VCAN: variants seen among roughly 807,000 people sequenced by gnomAD.
VCAN encodes versican.
VCAN carries 44 observed loss-of-function variants against 245.5 expected under a neutral mutation model. The ratio of observed to expected loss-of-function variants is 0.18; its 90% CI spans 0.14 to 0.23. The LOEUF (loss-of-function observed/expected upper bound fraction) is 0.23. VCAN is among the 10% of genes least tolerant of loss of function. VCAN has a pLI of 1.00. For missense variants in VCAN, 3,793 were observed against 4,057.9 expected (o/e 0.93, Z 1.77); for synonymous variants, 1,413 against 1,437.0 (o/e 0.98, Z 0.38).
chr5:83,499,877 A>G (rs1745277705), intron 5 of VCAN, among the ~76,000 whole-genome samples: 1 of 152,236 alleles, frequency 6.6e-6, no homozygotes, highest in African/African-American at 2.4e-5. Flanking sequence ...AACCAAAAAC[A>G]ACTTTTCCAT....
chr5:83,482,338 G>T (rs1025785728), intron 1 of VCAN, among the ~76,000 whole-genome samples: 1 of 152,192 alleles, frequency 6.6e-6, no homozygotes, highest in African/African-American at 2.4e-5. Flanking sequence ...TGGAGGAAGA[G>T]ATCCCCTCAC....
At position 83,537,847 on chromosome 5, in the gene VCAN, C is replaced by T. The variant is rs1278108656; in HGVS notation, c.4844C>T (p.Thr1615Ile). 1 of 1,613,812 alleles carries T rather than the reference C, an allele frequency of 6.2e-7. No individual in the cohort carries two copies. Among genetic ancestry groups the T allele is most frequent in the Admixed American group, 1.7e-5 (1 of 59,928 alleles). The part of the protein sequence containing the change: ...GNPWPDDLLS[T>I]KESWVEATPR... ...CCTTGGCCAGATGACCTGTTGTCTA[C>T]CAAAGAAAGCTGGGTAGAAGCAACT... Residue 1615 changes from threonine (T) to isoleucine (I), a missense_variant, in exon 8 of 15, where the codon ACC becomes ATC. Around this residue, in one of 5 missense-constraint regions of VCAN, gnomAD observed 3,182 missense variants for 3,250.3 expected, o/e 0.98. Transcript: ENST00000265077.
chr5:83,509,940 G>T (rs1271511792), intron 5 of VCAN, among the ~76,000 whole-genome samples: 2 of 152,036 alleles, frequency 1.3e-5, no homozygotes, highest in Non-Finnish European at 2.9e-5. Flanking sequence ...AGGATAGGGG[G>T]AAAAAAGAGA....
chr5:83,503,240 G>A (rs1346467526), intron 5 of VCAN, among the ~76,000 whole-genome samples: 5 of 151,938 alleles, frequency 3.3e-5, no homozygotes, highest in East Asian at 3.9e-4. Flanking sequence ...GAGAGAGAGA[G>A]AAAAGAAAAA....
chr5:83,508,712 A>G (rs1745555440), intron 5 of VCAN, among the ~76,000 whole-genome samples: 1 of 152,240 alleles, frequency 6.6e-6, no homozygotes, highest in Non-Finnish European at 1.5e-5. Flanking sequence ...AATTCTTTTA[A>G]TCCTCACCTT....
intron 2 of VCAN, among the ~76,000 whole-genome samples, chr5:83,486,708 TA>T (rs1223273484): frequency 6.6e-6 from 1 of 152,234 alleles, no homozygotes; most frequent in Non-Finnish European, 1.5e-5. Flanking sequence ...TTTACAACAA[TA>T]ATTTTGATAG....
At position 83,580,517 on chromosome 5, in the gene VCAN, A is replaced by G; in HGVS notation, c.*83A>G. ...GCCTTTCCTATCACCTCGAGAAGTA[A>G]TTATCAGTTGGTTTGGATTTTTGGA... is the stretch of plus-strand genomic sequence containing the variant. On this transcript the variant is annotated 3_prime_UTR_variant, in exon 15 of 15. Transcript: ENST00000265077. 3 of 1,583,262 alleles carry G rather than the reference A, an allele frequency of 1.9e-6. No individual in the cohort carries two copies. The highest frequency in any genetic ancestry group is 1.3e-5 in the African/African-American group (1 of 74,348).
intron 1 of VCAN, among the ~76,000 whole-genome samples, chr5:83,477,011 A>C (rs1744415749): frequency 6.6e-6 from 1 of 152,166 alleles, no homozygotes; most frequent in Admixed American, 6.5e-5. Context: ...TATTGATTTG[A>C]TATTACTTGA....
At chr5:83,482,142 G>A (rs947488290) in intron 1 of VCAN, among the ~76,000 whole-genome samples, 1 of 152,188 alleles carries the variant, frequency 6.6e-6, no homozygotes, top group South Asian at 2.1e-4. Flanking sequence ...AAGGACTTAC[G>A]CCTTGCCTTT....
chr5:83,538,473 C>T lies in VCAN; in HGVS notation c.5470C>T (p.Leu1824Phe). ...QPGVQEGLTT[L>F]PRSPASVFME... ...TGGGGTTCAGGAAGGGCTGACCACTCTCCCACGTAGTCCTGCCTCTGTCTT... is the reference window on the plus strand; with the variant it reads ...TGGGGTTCAGGAAGGGCTGACCACTTTCCCACGTAGTCCTGCCTCTGTCTT... Residue 1824 changes from leucine (L) to phenylalanine (F), a missense_variant, in exon 8 of 15, where the codon CTC becomes TTC. Transcript: ENST00000265077. The T allele has an allele frequency of 6.2e-7, 1 of 1,613,990 alleles. No individual in the cohort carries two copies. The highest frequency in any genetic ancestry group is 8.5e-7 in the Non-Finnish European group (1 of 1,179,950).
intron 6 of VCAN, among the ~76,000 whole-genome samples, chr5:83,518,585 G>C (rs1338667105): frequency 1.3e-5 from 2 of 152,130 alleles, no homozygotes; most frequent in Non-Finnish European, 2.9e-5. Context: ...AGAGTGTGTA[G>C]AACATAGAAC....
intron 13 of VCAN, among the ~76,000 whole-genome samples, chr5:83,573,646 T>C (rs982636605): frequency 1.3e-5 from 2 of 152,048 alleles, no homozygotes; most frequent in African/African-American, 4.8e-5. Flanking sequence ...CTTTAGACAA[T>C]AAAATAAATA....
intron 13 of VCAN, among the ~76,000 whole-genome samples, chr5:83,576,669 C>T (rs981772365): frequency 1.3e-5 from 2 of 151,982 alleles, no homozygotes; most frequent in Non-Finnish European, 2.9e-5. Context: ...GTGGTGGTAC[C>T]AATTTTCACT....
chr5:83,538,887 G>C lies in VCAN; in HGVS notation c.5884G>C (p.Ala1962Pro), dbSNP rs1323216397. 6.2e-7 allele frequency: 1 copy of C among 1,613,960 alleles called. No homozygotes were observed. ...ETVMMEGSGD[A>P]AFRDTQTSPS... is the part of the protein sequence containing the mutation. The stretch of plus-strand genomic sequence containing the variant: ...GGTAATGATGGAAGGCTCTGGAGAT[G>C]CAGCATTTAGGGACACCCAGACTTC... Residue 1962 changes from alanine to proline, a missense_variant, in exon 8 of 15, where the codon GCA (alanine) becomes CCA (proline). Transcript: ENST00000265077.
chr5:83,541,513 C>T lies in VCAN; in HGVS notation c.8510C>T (p.Ala2837Val). The stretch of plus-strand genomic sequence containing the variant: ...CTCACTATCTACTCAGGCAGTGAAG[C>T]CTCTGGACACACAGAGATCCCCCAG... ...SPLTIYSGSE[A>V]SGHTEIPQPS... Residue 2837 changes from alanine (A) to valine (V), a missense_variant, in exon 8 of 15, where the codon GCC (alanine) becomes GTC (valine). By Grantham distance (64) the Ala-to-Val change is moderately conservative. This residue lies in a region of VCAN where 3,182 missense variants were observed against 3,250.3 expected (regional missense o/e 0.98). Coordinates refer to ENST00000265077, the MANE Select transcript of VCAN (RefSeq NM_004385.5). The T allele has an allele frequency of 6.2e-7, 1 of 1,613,980 alleles. No homozygotes were observed. The highest frequency in any genetic ancestry group is 8.5e-7 in the Non-Finnish European group (1 of 1,179,986).
At chr5:83,504,252 G>T (rs1021363968) in intron 5 of VCAN, among the ~76,000 whole-genome samples, 2 of 152,056 alleles carry the variant, frequency 1.3e-5, no homozygotes, top group Admixed American at 6.6e-5. Context: ...TGAAATTTTG[G>T]AAAACTATGG....
intron 2 of VCAN, among the ~76,000 whole-genome samples, chr5:83,485,450 A>G (rs1744761674): frequency 6.6e-6 from 1 of 151,930 alleles, no homozygotes; most frequent in South Asian, 2.1e-4. Context: ...GTGCAGTAGG[A>G]AGTATTGAAG....
At chr5:83,535,161 C>T (rs558984298) in intron 7 of VCAN, among the ~76,000 whole-genome samples, 46 of 152,188 alleles carry the variant, frequency 3.0e-4, no homozygotes, top group African/African-American at 1.0e-3. Flanking sequence ...GTATTTATCT[C>T]GCTTCTCTTT....
At chr5:83,547,096 G>A (rs776154328) in intron 9 of VCAN, among the ~76,000 whole-genome samples, 17 of 152,262 alleles carry the variant, frequency 1.1e-4, no homozygotes, top group East Asian at 1.9e-4. Flanking sequence ...TGACAGCCTC[G>A]ATCCAGGTAT....
Sources: gnomAD v4.1 joint callset for allele counts (sites outside exome capture counted in the v4.1 genomes callset) on GRCh38, gnomAD v4.1.1 for gene constraint, gnomAD v4.1.1 regional missense constraint, MANE v1.5 for transcripts, NCBI Gene and HGNC (gene_info 2026-07-23, HGNC 2026-07-21) for gene names.